The following SLC4A4 variants were observed in gnomAD, a reference collection of about 807,000 sequenced individuals.
SLC4A4 encodes electrogenic sodium bicarbonate cotransporter 1.
In SLC4A4, 27 loss-of-function variants were observed where a neutral mutation model predicts 111.5. That is an observed-to-expected ratio of 0.24 (90% confidence interval 0.18 to 0.33). SLC4A4 has a LOEUF of 0.33. Ranked by LOEUF, SLC4A4 falls within the 10% of genes least tolerant of loss-of-function variation. The pLI is 1.00. For missense variants in SLC4A4, 909 were observed against 1,315.5 expected (o/e 0.69, Z 4.78); for synonymous variants, 443 against 463.4 (o/e 0.96, Z 0.57).
At chr4:71,151,792 G>A (rs1051114819) in intron 2 of SLC4A4, among the ~76,000 whole-genome samples, 2 of 151,082 alleles carry the variant, frequency 1.3e-5, no homozygotes, top group African/African-American at 4.9e-5. Context: ...CGGGCACGGT[G>A]ACTCATGCCT....
intron 18 of SLC4A4, among the ~76,000 whole-genome samples, chr4:71,544,086 A>G (rs1336620637): frequency 6.6e-6 from 1 of 152,088 alleles, no homozygotes; most frequent in Non-Finnish European, 1.5e-5. Context: ...GTCTAATGTC[A>G]AAGACAGATG....
chr4:71,402,257 G>T (rs575221381), intron 7 of SLC4A4, among the ~76,000 whole-genome samples: 1 of 152,130 alleles, frequency 6.6e-6, no homozygotes, highest in South Asian at 2.1e-4. Context: ...ATTATTGGGG[G>T]AATAACCCCC....
chr4:71,171,014 C>T (rs1744918055), intron 2 of SLC4A4, among the ~76,000 whole-genome samples: 1 of 152,148 alleles, frequency 6.6e-6, no homozygotes, highest in Non-Finnish European at 1.5e-5. Context: ...AGTGGAGAAT[C>T]AAACTGTGTA....
intron 2 of SLC4A4, among the ~76,000 whole-genome samples, chr4:71,251,294 T>C (rs1202338158): frequency 6.6e-6 from 1 of 152,202 alleles, no homozygotes; most frequent in African/African-American, 2.4e-5. Context: ...CCAGAAAACA[T>C]TGTAGCAACT....
chr4:71,101,220 C>T lies in SLC4A4; in HGVS notation c.-2+8428C>T, dbSNP rs145161814. Among the ~76,000 whole-genome samples the T allele has an allele frequency of 4.6e-3, 696 of 152,236 alleles. 8 individuals are homozygous for T. Among genetic ancestry groups the T allele is most frequent in the African/African-American group, 0.016 (664 of 41,528 alleles). On this transcript the variant is annotated intron_variant, in intron 2 of 26. Coordinates refer to the SLC4A4 transcript ENST00000649996. Reference sequence around the variant, plus strand: ...CTTGCAGTGAGCTGAGATTGCGCCACTGCACTCCAGCCTGGGCAACAGTGC... The same window carrying T: ...CTTGCAGTGAGCTGAGATTGCGCCATTGCACTCCAGCCTGGGCAACAGTGC...
intron 2 of SLC4A4, among the ~76,000 whole-genome samples, chr4:71,164,063 T>C (rs1292022459): frequency 6.6e-6 from 1 of 151,928 alleles, no homozygotes; most frequent in Admixed American, 6.6e-5. Context: ...CTGGCCAACA[T>C]GGCAAAACCC....
intron 1 of SLC4A4, among the ~76,000 whole-genome samples, chr4:71,208,001 G>A (rs1336365351): frequency 2.0e-5 from 3 of 152,106 alleles, no homozygotes; most frequent in Non-Finnish European, 4.4e-5. Context: ...ATAGAGACAG[G>A]GTCTTGCTTG....
chr4:71,176,530 A>C (rs1329169715), intron 2 of SLC4A4, among the ~76,000 whole-genome samples: 2 of 152,378 alleles, frequency 1.3e-5, no homozygotes, highest in Non-Finnish European at 2.9e-5. Context: ...TACGTGACAA[A>C]TGCACAAGCC....
chr4:71,267,777 G>C (rs1237634904), intron 3 of SLC4A4, among the ~76,000 whole-genome samples: 1 of 103,848 alleles, frequency 9.6e-6, no homozygotes, highest in Non-Finnish European at 1.7e-5. Context: ...CTGGATGACA[G>C]AGTGAGAGTC....
At position 71,229,812 on chromosome 4, in the gene SLC4A4, G is replaced by GTT. The variant is rs546659911; in HGVS notation, c.-1-6744_-1-6743dup. Reference sequence around the variant, plus strand: ...AAGGCCTTCTTAGAGCCCCTGCGAAGTTTTTTTTTTTTTTTTTTTTTCCCA... The same window carrying GTT: ...AAGGCCTTCTTAGAGCCCCTGCGAAGTTTTTTTTTTTTTTTTTTTTTTTCCCA... On this transcript the variant is annotated intron_variant, in intron 1 of 25. Coordinates refer to ENST00000264485, the MANE Select transcript of SLC4A4 (RefSeq NM_001098484.3). Among the ~76,000 whole-genome samples the GTT allele has an allele frequency of 2.8e-3, 350 of 124,254 alleles. 1 individual carries two copies. The highest frequency in any genetic ancestry group is 7.9e-3 in the Middle Eastern group (2 of 254). The allele number at this position is 124,254 out of a possible 152,430, so 81.5% of individuals were successfully genotyped here. A position where few individuals can be genotyped will look rare whatever the true frequency, so the allele number is the denominator to read the frequency against.
intron 21 of SLC4A4, 88 bp from the exon 22 acceptor site, chr4:71,557,624 A>G (rs1578183491): frequency 7.4e-7 from 1 of 1,353,240 alleles, no homozygotes; most frequent in Non-Finnish European, 1.1e-6. Flanking sequence ...TGCCTAAATT[A>G]TAGAATATAA....
chr4:71,504,635 C>T (rs1244801220), intron 16 of SLC4A4, among the ~76,000 whole-genome samples: 2 of 140,300 alleles, frequency 1.4e-5, no homozygotes, highest in Admixed American at 7.2e-5. Context: ...TTTTTTTGGA[C>T]CTCCTACTGA....
At chr4:71,475,506 G>GT (rs1377780159) in intron 14 of SLC4A4, among the ~76,000 whole-genome samples, 1 of 151,842 alleles carries the variant, frequency 6.6e-6, no homozygotes, top group African/African-American at 2.4e-5. Context: ...CCTTTGTCCA[G>GT]TTTTTCCCAG....
chr4:71,476,947 G>A (rs932388393), intron 14 of SLC4A4, among the ~76,000 whole-genome samples: 1 of 151,716 alleles, frequency 6.6e-6, no homozygotes, highest in South Asian at 2.1e-4. Context: ...ACTGTACTTT[G>A]ATGATTACAT....
intron 18 of SLC4A4, among the ~76,000 whole-genome samples, chr4:71,542,884 C>T (rs559613593): frequency 6.6e-6 from 1 of 152,078 alleles, no homozygotes; most frequent in South Asian, 2.1e-4. Context: ...ATTGAATGAG[C>T]GAATTAGCAT....
intron 16 of SLC4A4, among the ~76,000 whole-genome samples, chr4:71,498,792 G>A (rs755977120): frequency 3.9e-5 from 6 of 152,122 alleles, no homozygotes; most frequent in Admixed American, 6.5e-5. Context: ...TGATCCACAG[G>A]CAGAAAGAAT....
intron 6 of SLC4A4, among the ~76,000 whole-genome samples, chr4:71,396,313 G>C (rs1719819538): frequency 6.6e-6 from 1 of 152,144 alleles, no homozygotes; most frequent in Non-Finnish European, 1.5e-5. Context: ...GCCAGTTCAA[G>C]GAAATTATAA....
intron 2 of SLC4A4, among the ~76,000 whole-genome samples, chr4:71,100,014 T>A (rs1469702255): frequency 1.3e-5 from 2 of 152,158 alleles, no homozygotes; most frequent in Non-Finnish European, 2.9e-5. Flanking sequence ...AGCTGAATTC[T>A]ACCAGGTATA....
chr4:71,447,363 C>T (rs978292721), intron 8 of SLC4A4, among the ~76,000 whole-genome samples: 4 of 152,168 alleles, frequency 2.6e-5, no homozygotes, highest in East Asian at 3.8e-4. Context: ...GATTGAATGA[C>T]TCATATTAAG....
Sources: allele counts gnomAD v4.1 joint callset (sites outside exome capture counted in the v4.1 genomes callset), GRCh38; gene constraint gnomAD v4.1.1; transcripts MANE v1.5; gene names NCBI Gene and HGNC (gene_info 2026-07-23, HGNC 2026-07-21).